ATP2A2: variants seen among roughly 807,000 people sequenced by gnomAD.
ATP2A2 encodes the protein ATPase sarcoplasmic/endoplasmic reticulum Ca2+ transporting 2.
ATP2A2 carries 14 observed loss-of-function variants against 109.3 expected under a neutral mutation model. The ratio of observed to expected loss-of-function variants is 0.13; its 90% CI spans 0.08 to 0.20. The LOEUF is 0.20. Among genes scored for constraint, ATP2A2 ranks in the 10% least tolerant of loss-of-function variants. ATP2A2 has a pLI of 1.00. For missense variants in ATP2A2, 657 were observed against 1,321.6 expected (o/e 0.50, Z 7.80); for synonymous variants, 506 against 490.9 (o/e 1.03, Z -0.41).
chr12:110,343,999 C>A (rs996688301), intron 16 of ATP2A2, among the ~76,000 whole-genome samples: 20 of 152,120 alleles, frequency 1.3e-4, no homozygotes, highest in Non-Finnish European at 2.2e-4. Flanking sequence ...AAAAAGCACA[C>A]AATGGCATAG....
chr12:110,301,889 T>C (rs1021197536), intron 5 of ATP2A2, among the ~76,000 whole-genome samples: 3 of 152,194 alleles, frequency 2.0e-5, no homozygotes, highest in Non-Finnish European at 2.9e-5. Context: ...TTTTGGAAGG[T>C]TAGGCAAATT....
chr12:110,281,081 G>A (rs1479618238), upstream of ATP2A2: 1 of 150,634 alleles, frequency 6.6e-6, no homozygotes, highest in Non-Finnish European at 1.5e-5. Flanking sequence ...CGCGCGGGAG[G>A]GGGCGGGGCC....
In ATP2A2 at chr12:110,346,016, G is replaced by A. The variant is rs546005831; in HGVS notation, c.2757G>A (p.Gln919=). 2.5e-6 allele frequency: 4 copies of A among 1,614,186 alleles called. No individual in the cohort carries two copies. Among genetic ancestry groups the A allele is most frequent in the Non-Finnish European group, 3.4e-6 (4 of 1,180,034 alleles). The change falls in exon 19 of 20, where the codon CAG becomes CAA. Residue 919 remains glutamine (Q), a synonymous_variant. Coordinates refer to ENST00000539276, the MANE Select transcript of ATP2A2 (RefSeq NM_170665.4). ...TGCTCTGCAGCTTGTCCGAAAACCA[G>A]TCCTTGCTGAGGATGCCCCCCTGGG... ...CNALNSLSEN[Q]SLLRMPPWEN...
At chr12:110,295,688 A>G (rs1341056311) in intron 4 of ATP2A2, among the ~76,000 whole-genome samples, 2 of 152,184 alleles carry the variant, frequency 1.3e-5, no homozygotes, top group Non-Finnish European at 2.9e-5. Flanking sequence ...TCTTTGTGTC[A>G]TTTGATTCTC....
At chr12:110,320,231 T>TA (rs1406964427) in intron 5 of ATP2A2, among the ~76,000 whole-genome samples, 15 of 152,234 alleles carry the variant, frequency 9.9e-5, no homozygotes. Flanking sequence ...GTTGACCTTT[T>TA]AAAATTTGTC....
chr12:110,343,059 T>G (rs1185155004), intron 15 of ATP2A2, among the ~76,000 whole-genome samples, 173 bp from the exon 16 acceptor site: 1 of 152,230 alleles, frequency 6.6e-6, no homozygotes, highest in Non-Finnish European at 1.5e-5. Context: ...TGAATTTAAG[T>G]AATAAACTAA....
At chr12:110,330,428 A>G (rs1439827416) in intron 8 of ATP2A2, 4 of 152,336 alleles carry the variant, frequency 2.6e-5, no homozygotes, top group East Asian at 1.9e-4. Flanking sequence ...TTTGGAACCA[A>G]AAGGTTGGAT....
At chr12:110,330,050 A>C (rs1878191077) in intron 8 of ATP2A2, 1 of 152,204 alleles carries the variant, frequency 6.6e-6, no homozygotes, top group South Asian at 2.1e-4. Context: ...ACCTCATATA[A>C]CATGAGCATT....
chr12:110,346,604 G>GT lies in ATP2A2; in HGVS notation c.*138dup. 6.6e-7 allele frequency: 1 copy of GT among 1,508,896 alleles called. No homozygotes were observed. The highest frequency in any genetic ancestry group is 2.5e-5 in the East Asian group (1 of 40,798). 93.5% of individuals were successfully genotyped at this position (1,508,896 alleles called of 1,614,324 possible). On this transcript the variant is annotated 3_prime_UTR_variant, in exon 20 of 20. Coordinates refer to ENST00000539276, the MANE Select transcript of ATP2A2 (RefSeq NM_170665.4). ...ATGGAGGTTTCATACTCTAGATTTT[G>GT]TTTTGCTTTTTCTGACTCCAGTGGG...
In ATP2A2 at chr12:110,346,627, G is replaced by A; in HGVS notation, c.*157G>A. ...TTGTTTTGCTTTTTCTGACTCCAGT[G>A]GGGCAAGATTTTCCTTTTTTATACA... On this transcript the variant is annotated 3_prime_UTR_variant, in exon 20 of 20. Coordinates refer to ENST00000539276, the MANE Select transcript of ATP2A2 (RefSeq NM_170665.4). 6.8e-7 allele frequency: 1 copy of A among 1,478,044 alleles called. No homozygotes were observed. Among genetic ancestry groups the A allele is most frequent in the African/African-American group, 1.4e-5 (1 of 70,796 alleles). 91.6% of individuals were successfully genotyped at this position (1,478,044 alleles called of 1,614,324 possible). A position where few individuals can be genotyped will look rare whatever the true frequency, so the allele number is the denominator to read the frequency against.
intron 5 of ATP2A2, among the ~76,000 whole-genome samples, chr12:110,321,632 G>A (rs186381003): frequency 1.4e-4 from 21 of 152,190 alleles, no homozygotes; most frequent in Admixed American, 7.8e-4. Context: ...ACAGGTTTTC[G>A]CCATGTTGGC....
In ATP2A2 at chr12:110,347,949, C is replaced by T. The variant is rs1880037610; in HGVS notation, c.*1479C>T. ...CACCGGGGTTGCCTGTGGCGCCTGCCATGTGACTCGGGCGCAGCATCAGCT... is the reference window on the plus strand; with the variant it reads ...CACCGGGGTTGCCTGTGGCGCCTGCTATGTGACTCGGGCGCAGCATCAGCT... On this transcript the variant is annotated 3_prime_UTR_variant, in exon 20 of 20. Coordinates refer to ENST00000539276, the MANE Select transcript of ATP2A2 (RefSeq NM_170665.4). The T allele has an allele frequency of 5.1e-6, 5 of 987,334 alleles. No homozygotes were observed. The South Asian group carries it at 1.9e-4, about 37-fold the overall frequency. The allele number at this position is 987,334 out of a possible 1,614,324, so 61.2% of individuals were successfully genotyped here.
chr12:110,319,063 ACC>A (rs1876964460), intron 5 of ATP2A2, among the ~76,000 whole-genome samples: 1 of 151,934 alleles, frequency 6.6e-6, no homozygotes, highest in Non-Finnish European at 1.5e-5. Context: ...TTTAAAATTA[ACC>A]TGGTGCAATG....
In ATP2A2 at chr12:110,296,744, TGA is replaced by T. The variant is rs780074856; in HGVS notation, c.463+9_463+10del. ...GATATTGTAGAAATTGCTGGTGAGTTGAGTTTGTCATTTTTCTTTTATTCTAG... is the reference window on the plus strand; with the variant it reads ...GATATTGTAGAAATTGCTGGTGAGTTGTTTGTCATTTTTCTTTTATTCTAG... On this transcript the variant is annotated splice_region_variant and intron_variant, in intron 5 of 19. Transcript: ENST00000539276. The T allele has an allele frequency of 2.3e-4, 367 of 1,613,958 alleles. No individual in the cohort carries two copies. The highest frequency in any genetic ancestry group is 3.0e-4 in the Non-Finnish European group (357 of 1,179,968).
chr12:110,330,258 G>C (rs1220671957), intron 8 of ATP2A2: 2 of 152,110 alleles, frequency 1.3e-5, no homozygotes, highest in African/African-American at 2.4e-5. Flanking sequence ...TGATTTTTTA[G>C]ATACAGGTTC....
chr12:110,321,313 T>C (rs1259873952), intron 5 of ATP2A2, among the ~76,000 whole-genome samples: 4 of 152,340 alleles, frequency 2.6e-5, no homozygotes, highest in Admixed American at 2.0e-4. Flanking sequence ...ACTGGTAACA[T>C]GCAATTCAGT....
intron 3 of ATP2A2, among the ~76,000 whole-genome samples, chr12:110,287,248 G>A (rs1053958586): frequency 7.9e-5 from 12 of 151,958 alleles, no homozygotes; most frequent in African/African-American, 1.9e-4. Flanking sequence ...GTGAGACTCC[G>A]TCTCAAAAAA....
chr12:110,323,034 A>G lies in ATP2A2; in HGVS notation c.506A>G (p.Lys169Arg), dbSNP rs200712146. 16 of 1,613,214 alleles carry G rather than the reference A, an allele frequency of 9.9e-6. No individual in the cohort carries two copies. The Middle Eastern group carries it at 6.6e-4, about 66-fold the overall frequency. ...VPADIRLTSIKSTTLRVDQSI... is the reference protein window; with the variant it reads ...VPADIRLTSIRSTTLRVDQSI... ...GCTGATATAAGGTTAACTTCCATCA[A>G]ATCTACCACACTAAGAGTTGACCAG... The change falls in exon 6 of 20, where the codon AAA (lysine) becomes AGA (arginine). Residue 169 changes from lysine (K) to arginine (R), a missense_variant. Around this residue, in one of 9 missense-constraint regions of ATP2A2, gnomAD observed 136 missense variants for 343.9 expected, o/e 0.40. Coordinates refer to ENST00000539276, the MANE Select transcript of ATP2A2 (RefSeq NM_170665.4).
rs765907493 is a variant in ATP2A2, at chr12:110,343,454, A to G, written c.2521+20A>G. ...TTGGCTGTGAGTACAATTTTTTTAT[A>G]TTACTGATTTTTAAACAAAATGTTT... On this transcript the variant is annotated intron_variant, in intron 16 of 19. Transcript: ENST00000539276. The G allele has an allele frequency of 6.2e-7, 1 of 1,612,116 alleles. No individual in the cohort carries two copies. Among genetic ancestry groups the G allele is most frequent in the Non-Finnish European group, 8.5e-7 (1 of 1,178,242 alleles).
Sources: allele counts gnomAD v4.1 joint callset (sites outside exome capture counted in the v4.1 genomes callset), GRCh38; gene constraint gnomAD v4.1.1; regional missense constraint gnomAD v4.1.1; transcripts MANE v1.5; gene names NCBI Gene and HGNC (gene_info 2026-07-23, HGNC 2026-07-21).